CCDC3: variants seen among roughly 807,000 people sequenced by gnomAD.
CCDC3 encodes coiled-coil domain containing 3.
A neutral mutation model predicts 21.4 loss-of-function variants in CCDC3; 24 were observed. That is an observed-to-expected ratio of 1.12 (90% CI 0.81 to 1.58). The LOEUF (loss-of-function observed/expected upper bound fraction) is 1.58, where lower values mean the gene tolerates loss of function less well. Among genes scored for constraint, CCDC3 ranks in the 40% most tolerant of loss-of-function variants. CCDC3 has a pLI of 0.00. For missense variants in CCDC3, 425 were observed against 360.9 expected, an observed-to-expected ratio of 1.18 and a Z score of -1.44; for synonymous variants, 186 against 166.0, an observed-to-expected ratio of 1.12 and a Z score of -0.93.
rs1006295602 is a variant in CCDC3 at position 13,079,732 on chromosome 10, T to C, written c.-502-5632A>G. 3.9e-5 allele frequency among the ~76,000 whole-genome samples: 6 copies of C among 152,230 alleles called. No individual in the cohort carries two copies. The South Asian group carries it at 1.2e-3, about 32-fold the overall frequency. ...GGATATTCAAAACTTCCCTTTCCCC[T>C]CTTCTCAGGGGAAGAAAGAGGCTAA... On this transcript the variant is annotated intron_variant, in intron 3 of 6. Coordinates refer to the CCDC3 transcript ENST00000378839.
At chr10:12,942,592 G>A (rs1005644452) in intron 2 of CCDC3, among the ~76,000 whole-genome samples, 23 of 152,298 alleles carry the variant, frequency 1.5e-4, no homozygotes, top group Admixed American at 4.6e-4. Context: ...CACATGTACA[G>A]TAATGAAGCA....
At chr10:13,078,837 A>G (rs1165534451) in intron 3 of CCDC3, among the ~76,000 whole-genome samples, 1 of 150,862 alleles carries the variant, frequency 6.6e-6, no homozygotes, top group Non-Finnish European at 1.5e-5. Flanking sequence ...AGGGTGGGGA[A>G]CATCACACAA....
At chr10:12,934,404 A>C (rs1417971592) in intron 2 of CCDC3, among the ~76,000 whole-genome samples, 2 of 152,204 alleles carry the variant, frequency 1.3e-5, no homozygotes, top group Non-Finnish European at 2.9e-5. Flanking sequence ...TGTGAGCTTG[A>C]GAAGAATATG....
chr10:13,030,956 G>C (rs941618791), intron 5 of CCDC3, among the ~76,000 whole-genome samples: 3 of 152,126 alleles, frequency 2.0e-5, no homozygotes, highest in African/African-American at 7.2e-5. Flanking sequence ...AGTTAACACG[G>C]ATATCCAGGA....
chr10:12,998,238 G>T (rs1302880450), intron 2 of CCDC3, 100 bp downstream of exon 2: 4 of 1,329,972 alleles, frequency 3.0e-6, no homozygotes, highest in Non-Finnish European at 4.2e-6. Context: ...TCTGATCTGG[G>T]CTTTTGGAAG....
intron 3 of CCDC3, among the ~76,000 whole-genome samples, chr10:13,089,760 GA>G (rs71386148): frequency 0.11 from 15,957 of 151,510 alleles, 1,038 homozygotes; most frequent in Non-Finnish European, 0.15. Flanking sequence ...GGTGGTTTGT[GA>G]GATTTTGGTG....
chr10:13,043,050 A>G (rs181792146), intron 5 of CCDC3, among the ~76,000 whole-genome samples: 1 of 152,332 alleles, frequency 6.6e-6, no homozygotes, highest in East Asian at 1.9e-4. Context: ...AACATTTAAA[A>G]GGAAAACTTT....
intron 4 of CCDC3, among the ~76,000 whole-genome samples, chr10:13,072,014 G>A (rs1836888523): frequency 6.6e-6 from 1 of 152,142 alleles, no homozygotes; most frequent in African/African-American, 2.4e-5. Flanking sequence ...GAACCCAGAA[G>A]TCCAAATGCT....
At chr10:12,903,506 G>T (rs1270961973) in intron 2 of CCDC3, among the ~76,000 whole-genome samples, 3 of 152,226 alleles carry the variant, frequency 2.0e-5, no homozygotes, top group African/African-American at 4.8e-5. Context: ...GAAAGGCCAG[G>T]CCAAGCTGAA....
chr10:12,931,893 G>A (rs1432148608), intron 2 of CCDC3, among the ~76,000 whole-genome samples: 2 of 152,196 alleles, frequency 1.3e-5, no homozygotes, highest in Non-Finnish European at 2.9e-5. Context: ...CAGAGGATTT[G>A]TGTATTTGGG....
At chr10:12,939,160 C>T (rs774851136) in intron 2 of CCDC3, among the ~76,000 whole-genome samples, 7 of 152,046 alleles carry the variant, frequency 4.6e-5, no homozygotes, top group East Asian at 1.9e-4. Flanking sequence ...CTTCCGCATT[C>T]GCCCTTATCA....
In CCDC3 at chr10:12,986,546, G is replaced by A. The variant is rs376247982; in HGVS notation, c.549+11792C>T. Reference sequence around the variant, plus strand: ...TCCCAGCACTTTGGGAGGCCAAGGCGGGCGGATCACAAGGTCAGGAGATGG... The same window carrying A: ...TCCCAGCACTTTGGGAGGCCAAGGCAGGCGGATCACAAGGTCAGGAGATGG... On this transcript the variant is annotated intron_variant, in intron 2 of 2. Coordinates refer to ENST00000378825, the MANE Select transcript of CCDC3 (RefSeq NM_031455.4). Among the ~76,000 whole-genome samples, 68 of 152,260 alleles carry A rather than the reference G, an allele frequency of 4.5e-4. 1 individual carries two copies. Among genetic ancestry groups the A allele is most frequent in the African/African-American group, 1.5e-3 (63 of 41,554 alleles).
chr10:13,039,725 T>C (rs1176960879), intron 5 of CCDC3, among the ~76,000 whole-genome samples: 1 of 152,076 alleles, frequency 6.6e-6, no homozygotes, highest in Non-Finnish European at 1.5e-5. Context: ...GGCAAGTAAT[T>C]CTCTTTTCCT....
intron 5 of CCDC3, among the ~76,000 whole-genome samples, chr10:13,009,330 G>C (rs1044540830): frequency 3.3e-5 from 5 of 152,142 alleles, no homozygotes; most frequent in African/African-American, 9.7e-5. Context: ...ATATTGTTAA[G>C]ATGTTCATTC....
At chr10:13,049,126 C>T (rs1239403967) in intron 5 of CCDC3, among the ~76,000 whole-genome samples, 1 of 152,124 alleles carries the variant, frequency 6.6e-6, no homozygotes, top group Non-Finnish European at 1.5e-5. Context: ...CAATAACGAG[C>T]CCCAGCTATC....
chr10:13,026,867 C>G (rs1016335549), intron 5 of CCDC3, among the ~76,000 whole-genome samples: 2 of 151,740 alleles, frequency 1.3e-5, no homozygotes, highest in African/African-American at 4.8e-5. Context: ...AGCCAGTGAT[C>G]TTAACAGAGC....
At chr10:12,921,337 C>A (rs1415336549) in intron 2 of CCDC3, among the ~76,000 whole-genome samples, 2 of 152,230 alleles carry the variant, frequency 1.3e-5, no homozygotes, top group Non-Finnish European at 2.9e-5. Context: ...GTGCTGTCAT[C>A]TGTCCCCAAG....
chr10:13,087,028 T>C (rs1237359153), intron 3 of CCDC3, among the ~76,000 whole-genome samples: 2 of 152,226 alleles, frequency 1.3e-5, no homozygotes, highest in African/African-American at 4.8e-5. Context: ...CTCAGCTGTA[T>C]CCTAAAGCCT....
chr10:13,076,620 A>G (rs1208425187), intron 3 of CCDC3, among the ~76,000 whole-genome samples: 2 of 152,260 alleles, frequency 1.3e-5, no homozygotes, highest in Non-Finnish European at 2.9e-5. Flanking sequence ...GTTATTAAAC[A>G]TGCTCACAGG....
Sources: gnomAD v4.1 joint callset for allele counts (sites outside exome capture counted in the v4.1 genomes callset) on GRCh38, gnomAD v4.1.1 for gene constraint, MANE v1.5 for transcripts, NCBI Gene and HGNC (gene_info 2026-07-23, HGNC 2026-07-21) for gene names.